SNX31: variants seen among roughly 807,000 people sequenced by gnomAD.
The protein encoded by SNX31 is sorting nexin 31, also known as sorting nexin-31.
SNX31 carries 58 observed loss-of-function variants against 65.4 expected under a neutral mutation model. That is an observed-to-expected ratio of 0.89 (90% CI 0.72 to 1.10). SNX31 has a LOEUF of 1.10. Ranked by LOEUF, SNX31 falls within the 50% of genes least tolerant of loss-of-function variation. The pLI, the probability that SNX31 is intolerant of heterozygous loss-of-function variation, is 0.00. For synonymous variants in SNX31, 181 were observed against 190.1 expected (o/e 0.95, Z 0.39); for missense variants, 523 against 529.7 (o/e 0.99, Z 0.12).
chr8:100,605,460 T>C (rs554867192), intron 8 of SNX31, among the ~76,000 whole-genome samples: 1 of 152,108 alleles, frequency 6.6e-6, no homozygotes, highest in East Asian at 1.9e-4. Flanking sequence ...TGATAAAGAT[T>C]ATTATGACAT....
At position 100,622,544 on chromosome 8, in the gene SNX31, G is replaced by A. The variant is rs1817768758; in HGVS notation, c.322-4814C>T. Among the ~76,000 whole-genome samples, 1 of 152,012 alleles carries A rather than the reference G, an allele frequency of 6.6e-6. No individual in the cohort carries two copies. The highest frequency in any genetic ancestry group is 2.1e-4 in the South Asian group (1 of 4,812). Reference sequence around the variant, plus strand: ...CACATGCCTGTAATCTCAGCTACTTGGGAGGCTGAGGCAGGAGAATCACTT... The same window carrying A: ...CACATGCCTGTAATCTCAGCTACTTAGGAGGCTGAGGCAGGAGAATCACTT... On this transcript the variant is annotated intron_variant, in intron 4 of 13. Transcript: ENST00000311812. This position sits in a 1 kb window ranked among gnomAD's most constrained non-coding sequence, Gnocchi z 5.0.
intron 4 of SNX31, among the ~76,000 whole-genome samples, chr8:100,627,564 C>A (rs1818128005): frequency 6.6e-6 from 1 of 152,102 alleles, no homozygotes; most frequent in Non-Finnish European, 1.5e-5. Context: ...TTTTTCGAGA[C>A]AGAGTCTTGC....
intron 12 of SNX31, 80 bp downstream of exon 12, chr8:100,584,031 C>T (rs1813796575): frequency 1.5e-6 from 2 of 1,302,238 alleles, no homozygotes; most frequent in Non-Finnish European, 2.2e-6. Context: ...TCAGGGAGCT[C>T]ATGAGTGTAG....
chr8:100,627,550 T>G (rs1398122481), intron 4 of SNX31, among the ~76,000 whole-genome samples: 6 of 151,852 alleles, frequency 4.0e-5, no homozygotes, highest in Admixed American at 3.9e-4. Context: ...TTTAAAAAAA[T>G]TTTTTTTTCG....
chr8:100,635,917 A>T lies in SNX31; in HGVS notation c.236T>A (p.Leu79Gln). The T allele has an allele frequency of 1.2e-6, 2 of 1,613,676 alleles. No homozygotes were observed. The highest frequency in any genetic ancestry group is 1.7e-6 in the Non-Finnish European group (2 of 1,179,580). ...CATACCATTTTGCAAATATTGTTCCAGTTGGTCCCTCCTCTCATCAGCCAT... is the reference window on the plus strand; with the variant it reads ...CATACCATTTTGCAAATATTGTTCCTGTTGGTCCCTCCTCTCATCAGCCAT... The part of the protein sequence containing the change: ...TAMADERRDQ[L>Q]EQYLQNVTMD... Residue 79 changes from leucine to glutamine, a missense_variant, in exon 3 of 14, where the codon CTG (leucine) becomes CAG (glutamine). Transcript: ENST00000311812.
intron 3 of SNX31, among the ~76,000 whole-genome samples, chr8:100,633,857 C>T (rs1818573614): frequency 6.6e-6 from 1 of 152,124 alleles, no homozygotes. Context: ...ATGTTTGCAA[C>T]TTTTCTGTAA....
chr8:100,590,581 C>G (rs189420095), intron 10 of SNX31, among the ~76,000 whole-genome samples: 1 of 152,004 alleles, frequency 6.6e-6, no homozygotes, highest in Non-Finnish European at 1.5e-5. Flanking sequence ...GAGTTTGAGA[C>G]CAGCCTGGCC....
chr8:100,584,732 T>A (rs1301737294), intron 11 of SNX31, among the ~76,000 whole-genome samples: 1 of 150,254 alleles, frequency 6.7e-6, no homozygotes, highest in Non-Finnish European at 1.5e-5. Context: ...ACTTTCTTAT[T>A]TTTCTTTTTC....
Position 100,608,274 on chromosome 8 carries a change from T to C in SNX31, c.681+220A>G, listed in dbSNP as rs547801530. ...CTGCTATTTAGAGCTCAAACTTTTT[T>C]TTATCATCCCCCAACAAAAACTTGT... On this transcript the variant is annotated intron_variant, in intron 8 of 13. Coordinates refer to ENST00000311812, the MANE Select transcript of SNX31 (RefSeq NM_152628.4). Among the ~76,000 whole-genome samples the C allele has an allele frequency of 3.3e-5, 5 of 152,288 alleles. No individual in the cohort carries two copies. In the East Asian group the frequency reaches 9.6e-4, roughly 29 times the overall value.
At chr8:100,654,198 G>A (rs562815054), upstream of SNX31, among the ~76,000 whole-genome samples, 1 of 152,102 alleles carries the variant, frequency 6.6e-6, no homozygotes, top group South Asian at 2.1e-4. Flanking sequence ...TGGTAGAGAT[G>A]GTGTTTTGCC....
chr8:100,613,192 C>T lies in SNX31; in HGVS notation c.433-107G>A, dbSNP rs1816866674. On this transcript the variant is annotated intron_variant, in intron 5 of 13. Transcript: ENST00000311812. The surrounding 1 kb of genome is among the most constrained non-coding windows in gnomAD (Gnocchi z 5.2). ...GGCCGGTACACATCAATAAAAAATG[C>T]TGTCATGGGTTAGTGAACACTCAAA... The T allele has an allele frequency of 4.8e-6, 4 of 838,994 alleles. No homozygotes were observed. Among genetic ancestry groups the T allele is most frequent in the Admixed American group, 4.2e-5 (2 of 47,542 alleles). 52.0% of individuals were successfully genotyped at this position (838,994 alleles called of 1,614,324 possible).
chr8:100,635,631 C>A (rs916153766), intron 3 of SNX31, among the ~76,000 whole-genome samples: 2 of 151,390 alleles, frequency 1.3e-5, no homozygotes, highest in African/African-American at 2.4e-5. Context: ...TATGAAACGT[C>A]CAGAATAGGC....
intron 2 of SNX31, among the ~76,000 whole-genome samples, chr8:100,638,428 T>C (rs1180928160): frequency 5.3e-5 from 8 of 152,238 alleles, no homozygotes; most frequent in Non-Finnish European, 1.2e-4. Flanking sequence ...AAAGCAGATA[T>C]ACAGCATTTC....
intron 8 of SNX31, among the ~76,000 whole-genome samples, chr8:100,607,327 G>A (rs1420612478): frequency 3.9e-5 from 6 of 152,178 alleles, no homozygotes; most frequent in Non-Finnish European, 2.9e-5. Context: ...TGAACACCTG[G>A]GGCAGCTGGT....
At chr8:100,661,894 G>A (rs1257253659) in intron 1 of SNX31, among the ~76,000 whole-genome samples, 14 of 151,972 alleles carry the variant, frequency 9.2e-5, no homozygotes, top group Non-Finnish European at 4.4e-5. Flanking sequence ...GCATGATCTT[G>A]GCTCACTGCA....
chr8:100,586,743 A>G (rs959305343), intron 11 of SNX31, among the ~76,000 whole-genome samples: 1 of 152,234 alleles, frequency 6.6e-6, no homozygotes, highest in Non-Finnish European at 1.5e-5. Flanking sequence ...TGACTCAACT[A>G]TACTAGAAGT....
At chr8:100,631,064 A>G (rs1044327272) in intron 3 of SNX31, among the ~76,000 whole-genome samples, 4 of 152,146 alleles carry the variant, frequency 2.6e-5, no homozygotes, top group African/African-American at 9.7e-5. Context: ...CTGGGATTAC[A>G]GGTGTGAGCC....
chr8:100,584,692 A>G (rs1813869834), intron 11 of SNX31, among the ~76,000 whole-genome samples: 1 of 151,780 alleles, frequency 6.6e-6, no homozygotes, highest in Non-Finnish European at 1.5e-5. Context: ...ACTAAACTGA[A>G]AAAAAAGATC....
intron 1 of SNX31, among the ~76,000 whole-genome samples, chr8:100,656,885 C>T (rs1820060858): frequency 6.6e-6 from 1 of 152,096 alleles, no homozygotes; most frequent in African/African-American, 2.4e-5. Flanking sequence ...GTAATGGTTG[C>T]TGCCGACAAT....
Sources: gnomAD v4.1 joint callset for allele counts (sites outside exome capture counted in the v4.1 genomes callset) on GRCh38, gnomAD v4.1.1 for gene constraint, Gnocchi (gnomAD v3.1) non-coding constraint, MANE v1.5 for transcripts, NCBI Gene and HGNC (gene_info 2026-07-23, HGNC 2026-07-21) for gene names.